Variants in FXYD6 observed in about 807,000 individuals in gnomAD.
The protein encoded by FXYD6 is FXYD domain-containing ion transport regulator 6.
FXYD6 carries 7 observed loss-of-function variants against 16.7 expected under a neutral mutation model. The observed-to-expected ratio is 0.42, with a 90% CI of 0.24 to 0.79. The LOEUF (loss-of-function observed/expected upper bound fraction) is 0.79. FXYD6 is among the 30% of genes least tolerant of loss of function. FXYD6 has a pLI of 0.28. For missense variants in FXYD6, 111 were observed against 116.2 expected (o/e 0.95, Z 0.21); for synonymous variants, 49 against 43.0 (o/e 1.14, Z -0.54).
chr11:117,861,327 C>T (rs1248067572), intron 1 of FXYD6, among the ~76,000 whole-genome samples: 1 of 152,142 alleles, frequency 6.6e-6, no homozygotes, highest in Admixed American at 6.5e-5. Flanking sequence ...GAGGAGGAGT[C>T]TGTTGGGGGA....
intron 1 of FXYD6, among the ~76,000 whole-genome samples, chr11:117,871,737 C>T (rs1591597627): frequency 1.3e-5 from 2 of 152,180 alleles, no homozygotes; most frequent in East Asian, 3.9e-4. Context: ...CCATGCTAGG[C>T]AGCATGCTGA....
At chr11:117,874,434 CA>C (rs1337040959) in intron 1 of FXYD6, among the ~76,000 whole-genome samples, 3 of 152,256 alleles carry the variant, frequency 2.0e-5, no homozygotes, top group Non-Finnish European at 2.9e-5. Flanking sequence ...TTGGAGGAGC[CA>C]GGGGGGAAGC....
intron 1 of FXYD6, among the ~76,000 whole-genome samples, chr11:117,855,989 C>G (rs1019665154): frequency 1.3e-5 from 2 of 152,136 alleles, no homozygotes; most frequent in Non-Finnish European, 2.9e-5. Context: ...TCTGTTTCCG[C>G]TCATTTTTCC....
intron 1 of FXYD6, among the ~76,000 whole-genome samples, chr11:117,871,333 G>C (rs1565332767): frequency 6.6e-6 from 1 of 152,136 alleles, no homozygotes. Context: ...CTGGTGATGA[G>C]GACTCTTCCC....
chr11:117,852,546 C>T (rs975444555), intron 1 of FXYD6, among the ~76,000 whole-genome samples: 6 of 152,200 alleles, frequency 3.9e-5, no homozygotes, highest in Non-Finnish European at 5.9e-5. Flanking sequence ...TTCTTCTCTG[C>T]CTCCTTTTAT....
intron 1 of FXYD6, among the ~76,000 whole-genome samples, chr11:117,847,186 G>C (rs1042728523): frequency 6.6e-6 from 1 of 152,066 alleles, no homozygotes; most frequent in Admixed American, 6.5e-5. Context: ...AAAAGCAACT[G>C]ATCTTTACAT....
intron 1 of FXYD6, among the ~76,000 whole-genome samples, chr11:117,858,806 G>A (rs947749664): frequency 3.3e-5 from 4 of 120,792 alleles, no homozygotes; most frequent in Non-Finnish European, 6.9e-5. Context: ...AGACAGTCTC[G>A]CTCTGTCACC....
At chr11:117,850,959 T>C (rs1374683228) in intron 1 of FXYD6, among the ~76,000 whole-genome samples, 3 of 152,240 alleles carry the variant, frequency 2.0e-5, no homozygotes, top group Admixed American at 2.0e-4. Context: ...TTAGGCAGAA[T>C]ACCCTCCTTG....
At chr11:117,868,378 G>A (rs1409921744) in intron 1 of FXYD6, among the ~76,000 whole-genome samples, 1 of 152,122 alleles carries the variant, frequency 6.6e-6, no homozygotes, top group Non-Finnish European at 1.5e-5. Context: ...TGATGAAAAT[G>A]GCACTTTCCC....
At chr11:117,845,584 T>C (rs533296338) in intron 1 of FXYD6, among the ~76,000 whole-genome samples, 10 of 152,364 alleles carry the variant, frequency 6.6e-5, no homozygotes, top group East Asian at 1.9e-4. Flanking sequence ...TATTCCATTG[T>C]GCAGGTAAAT....
At chr11:117,859,596 G>A (rs955005908) in intron 1 of FXYD6, among the ~76,000 whole-genome samples, 1 of 152,096 alleles carries the variant, frequency 6.6e-6, no homozygotes, top group African/African-American at 2.4e-5. Flanking sequence ...AACATAACCC[G>A]ATGCTAACAC....
chr11:117,839,649 C>G, intron 7 of FXYD6, 132 bp downstream of exon 7: 1 of 1,081,778 alleles, frequency 9.2e-7, no homozygotes, highest in Non-Finnish European at 1.4e-6. Context: ...GAAGGCTCCT[C>G]AGGGCAGGGC....
At position 117,872,783 on chromosome 11, in the gene FXYD6, G is replaced by A. The variant is rs1195951588; in HGVS notation, c.-6+3809C>T. On this transcript the variant is annotated intron_variant, in intron 1 of 7. Coordinates refer to ENST00000526014, the MANE Select transcript of FXYD6 (RefSeq NM_022003.4). The surrounding 1 kb of genome is among the most constrained non-coding windows in gnomAD (Gnocchi z 4.9). ...AGCTGGCTTCATCCCTTCCCAGGTC[G>A]GGACCTCTCCCTCCCCGGATTCTGG... 6.6e-6 allele frequency among the ~76,000 whole-genome samples: 1 copy of A among 152,262 alleles called. No homozygotes were observed. The highest frequency in any genetic ancestry group is 6.5e-5 in the Admixed American group (1 of 15,290).
intron 2 of FXYD6, 88 bp downstream of exon 2, chr11:117,842,631 A>C (rs1034221489): frequency 3.1e-5 from 42 of 1,357,682 alleles, no homozygotes; most frequent in Non-Finnish European, 4.2e-5. Context: ...CCCCAGCCCT[A>C]ATGTCCCAAG....
chr11:117,845,344 A>G (rs546078897), intron 1 of FXYD6, among the ~76,000 whole-genome samples: 131 of 152,360 alleles, frequency 8.6e-4, no homozygotes, highest in African/African-American at 3.1e-3. Context: ...TTTATGGCTG[A>G]ATAATATTCC....
At chr11:117,843,677 C>G (rs563572448) in intron 1 of FXYD6, 1 of 152,312 alleles carries the variant, frequency 6.6e-6, no homozygotes, top group African/African-American at 2.4e-5. Flanking sequence ...GTCCCCAAGT[C>G]AGCTCTTCCC....
intron 1 of FXYD6, among the ~76,000 whole-genome samples, chr11:117,874,733 A>C (rs2057218022): frequency 1.3e-5 from 2 of 152,242 alleles, no homozygotes; most frequent in Admixed American, 1.3e-4. Flanking sequence ...GGAAAAGAGC[A>C]GCGGCAGTGG....
At chr11:117,840,499 C>T (rs986362090) in intron 5 of FXYD6, 131 bp from the exon 6 acceptor site, 44 of 1,251,474 alleles carry the variant, frequency 3.5e-5, no homozygotes, top group Non-Finnish European at 5.0e-5. Flanking sequence ...GGCTGGAGCT[C>T]ACTCTGCTGT....
intron 2 of FXYD6, 66 bp downstream of exon 2, chr11:117,842,653 C>T: frequency 6.6e-7 from 1 of 1,505,338 alleles, no homozygotes; most frequent in Non-Finnish European, 9.0e-7. Context: ...GGCCCAGAAC[C>T]TTCCAGCAGA....
Sources: allele counts gnomAD v4.1 joint callset (sites outside exome capture counted in the v4.1 genomes callset), GRCh38; gene constraint gnomAD v4.1.1; non-coding constraint Gnocchi (gnomAD v3.1); transcripts MANE v1.5; gene names NCBI Gene and HGNC (gene_info 2026-07-23, HGNC 2026-07-21).